The following WDR70 variants were observed in gnomAD, a reference collection of about 807,000 sequenced individuals.
WDR70 encodes WD repeat-containing protein 70.
Under a neutral mutation model 88.6 loss-of-function variants are expected in WDR70, and 53 were observed. The observed-to-expected ratio is 0.60, with a 90% confidence interval of 0.48 to 0.75. The LOEUF (loss-of-function observed/expected upper bound fraction) is 0.75. Among genes scored for constraint, WDR70 ranks in the 30% least tolerant of loss-of-function variants. The probability of loss-of-function intolerance (pLI) is 0.00; values close to 1 mark genes in which losing one functional copy is unlikely to be tolerated. For missense variants in WDR70, 610 were observed against 823.2 expected (o/e 0.74, Z 3.17); for synonymous variants, 280 against 270.0 (o/e 1.04, Z -0.36).
rs556111862 is a variant in WDR70 at position 37,649,013 on chromosome 5, G to A, written c.1092+43775G>A. On this transcript the variant is annotated intron_variant, in intron 10 of 17. Coordinates refer to ENST00000265107, the MANE Select transcript of WDR70 (RefSeq NM_018034.4). ...CGTAAAGCTAAAAAGTGTTAATTCT[G>A]AATCATAAGCCACATAATGGCATCT... Among the ~76,000 whole-genome samples the A allele has an allele frequency of 7.2e-5, 11 of 152,290 alleles. No individual in the cohort carries two copies. The South Asian group carries it at 2.1e-3, about 29-fold the overall frequency.
chr5:37,654,370 G>T (rs1044611577), intron 10 of WDR70, among the ~76,000 whole-genome samples: 8 of 152,154 alleles, frequency 5.3e-5, no homozygotes, highest in Non-Finnish European at 8.8e-5. Flanking sequence ...CAGTTATGTG[G>T]TCAATTTTAG....
chr5:37,491,557 G>A lies in WDR70; in HGVS notation c.840+11570G>A, dbSNP rs80123104. Among the ~76,000 whole-genome samples, 4 of 152,274 alleles carry A rather than the reference G, an allele frequency of 2.6e-5. No homozygotes were observed. In the East Asian group the frequency reaches 7.7e-4, roughly 29 times the overall value. Reference sequence around the variant, plus strand: ...CTCAGAATGCTTGGACATTTTAGTGGGAGATATCTCCATTAGCGGATCTTA... The same window carrying A: ...CTCAGAATGCTTGGACATTTTAGTGAGAGATATCTCCATTAGCGGATCTTA... On this transcript the variant is annotated intron_variant, in intron 8 of 17. Transcript: ENST00000265107.
At chr5:37,425,610 A>T (rs1750100559) in intron 5 of WDR70, among the ~76,000 whole-genome samples, 1 of 152,216 alleles carries the variant, frequency 6.6e-6, no homozygotes, top group African/African-American at 2.4e-5. Flanking sequence ...ACATCAGAAC[A>T]CTAACAGGAG....
intron 9 of WDR70, among the ~76,000 whole-genome samples, chr5:37,577,367 A>G (rs1221514882): frequency 6.6e-6 from 1 of 152,160 alleles, no homozygotes; most frequent in Admixed American, 6.5e-5. Flanking sequence ...CTGCAGTCCT[A>G]GCTACTCAAG....
chr5:37,444,336 CTTTTTTTTTTT>C (rs70978817), intron 7 of WDR70, among the ~76,000 whole-genome samples: 2 of 94,204 alleles, frequency 2.1e-5, no homozygotes, highest in African/African-American at 7.7e-5. Context: ...CAGCCTTTCT[CTTTTTTTTTTT>C]TTTTTTTTTG....
intron 9 of WDR70, among the ~76,000 whole-genome samples, chr5:37,568,771 G>A (rs192960978): frequency 1.3e-5 from 2 of 152,284 alleles, no homozygotes; most frequent in Middle Eastern, 6.8e-3. Context: ...TTTCCCTCCT[G>A]TATCTGTGCC....
At chr5:37,685,185 G>T (rs182143154) in intron 10 of WDR70, among the ~76,000 whole-genome samples, 1 of 152,254 alleles carries the variant, frequency 6.6e-6, no homozygotes, top group Non-Finnish European at 1.5e-5. Context: ...TGCAATGGTG[G>T]TATAGTGGGG....
intron 5 of WDR70, among the ~76,000 whole-genome samples, chr5:37,415,574 A>C (rs1443643466): frequency 1.1e-4 from 10 of 88,056 alleles, no homozygotes; most frequent in Admixed American, 2.4e-4. Context: ...CTGACCCCCC[A>C]CCTCCCTCCC....
chr5:37,569,900 G>A (rs1211722265), intron 9 of WDR70, among the ~76,000 whole-genome samples: 2 of 152,194 alleles, frequency 1.3e-5, no homozygotes, highest in Admixed American at 6.5e-5. Context: ...CATGAAAAAT[G>A]TATGTAGAAA....
intron 9 of WDR70, among the ~76,000 whole-genome samples, chr5:37,527,013 C>A (rs1382310908): frequency 6.6e-6 from 1 of 152,190 alleles, no homozygotes; most frequent in South Asian, 2.1e-4. Context: ...ATTCCATGCT[C>A]ATGGGTAGGA....
intron 10 of WDR70, among the ~76,000 whole-genome samples, chr5:37,629,513 A>G (rs1004468684): frequency 6.6e-6 from 1 of 152,156 alleles, no homozygotes; most frequent in South Asian, 2.1e-4. Flanking sequence ...CAAAAGATCT[A>G]TCTTCAAGTT....
chr5:37,709,506 A>C (rs73751122), intron 13 of WDR70, among the ~76,000 whole-genome samples: 3,070 of 152,244 alleles, frequency 0.02, 119 homozygotes, highest in African/African-American at 0.069. Context: ...AGAAAGGTGG[A>C]GTTTCAGAGC....
chr5:37,455,636 CTTTTTTT>C (rs59254502), intron 7 of WDR70, among the ~76,000 whole-genome samples: 2 of 70,422 alleles, frequency 2.8e-5, no homozygotes, highest in African/African-American at 9.3e-5. Context: ...TTCTCTTTAT[CTTTTTTT>C]TTTTTTTTTT....
At chr5:37,706,755 T>TCA (rs1198206686) in intron 13 of WDR70, among the ~76,000 whole-genome samples, 1 of 145,350 alleles carries the variant, frequency 6.9e-6, no homozygotes. Context: ...AGACTCACAC[T>TCA]CACACTCTCT....
At chr5:37,738,591 A>G (rs1055081120) in intron 17 of WDR70, among the ~76,000 whole-genome samples, 3 of 152,248 alleles carry the variant, frequency 2.0e-5, no homozygotes, top group South Asian at 2.1e-4. Flanking sequence ...CACACAAACA[A>G]TGCACCCCAA....
intron 17 of WDR70, among the ~76,000 whole-genome samples, chr5:37,727,710 G>C (rs573326463): frequency 6.6e-6 from 1 of 152,144 alleles, no homozygotes; most frequent in East Asian, 1.9e-4. Context: ...TGGGTAGCTA[G>C]CACGACAAGC....
intron 10 of WDR70, among the ~76,000 whole-genome samples, chr5:37,623,306 T>G (rs1581443659): frequency 6.6e-6 from 1 of 152,298 alleles, no homozygotes; most frequent in Non-Finnish European, 1.5e-5. Context: ...ATAACTGAAT[T>G]CCTGGAATTC....
intron 10 of WDR70, among the ~76,000 whole-genome samples, chr5:37,631,715 G>A (rs1292127299): frequency 1.3e-5 from 2 of 152,250 alleles, no homozygotes; most frequent in Admixed American, 1.3e-4. Context: ...CAGTGTGTGG[G>A]ATCCCATTCA....
At chr5:37,542,648 G>A (rs1045920063) in intron 9 of WDR70, among the ~76,000 whole-genome samples, 1 of 152,038 alleles carries the variant, frequency 6.6e-6, no homozygotes, top group African/African-American at 2.4e-5. Context: ...AGAGAGGTAA[G>A]GAACTGCTTA....
Sources: allele counts gnomAD v4.1 joint callset (sites outside exome capture counted in the v4.1 genomes callset), GRCh38; gene constraint gnomAD v4.1.1; transcripts MANE v1.5; gene names NCBI Gene and HGNC (gene_info 2026-07-23, HGNC 2026-07-21).